EYS: variants seen among roughly 807,000 people sequenced by gnomAD.
EYS encodes protein eyes shut homolog.
Under a neutral mutation model 282.1 loss-of-function variants are expected in EYS, and 250 were observed. The observed-to-expected ratio is 0.89, with a 90% CI of 0.80 to 0.98. The LOEUF is 0.98. EYS is among the 50% of genes least tolerant of loss of function. EYS has a pLI of 0.00. For synonymous variants in EYS, 1,355 were observed against 1,282.9 expected (o/e 1.06, Z -1.20); for missense variants, 4,016 against 3,709.0 (o/e 1.08, Z -2.15).
At chr6:63,834,913 G>C (rs1771761574) in intron 36 of EYS, among the ~76,000 whole-genome samples, 1 of 151,756 alleles carries the variant, frequency 6.6e-6, no homozygotes, top group Non-Finnish European at 1.5e-5. Context: ...GGACATGGAT[G>C]AAGCTGGAAA....
At chr6:65,453,213 G>T (rs999006932) in intron 5 of EYS, among the ~76,000 whole-genome samples, 6 of 151,940 alleles carry the variant, frequency 3.9e-5, no homozygotes, top group African/African-American at 1.4e-4. Flanking sequence ...CTTCTATACT[G>T]TTTTCAAGCA....
At chr6:64,887,031 T>G (rs1009268684) in intron 18 of EYS, among the ~76,000 whole-genome samples, 189 bp from the exon 19 acceptor site, 1 of 151,946 alleles carries the variant, frequency 6.6e-6, no homozygotes, top group Non-Finnish European at 1.5e-5. Context: ...TCAAATGTTC[T>G]TTATGTGTGA....
intron 22 of EYS, among the ~76,000 whole-genome samples, chr6:64,795,702 A>G (rs1774333998): frequency 6.6e-6 from 1 of 152,242 alleles, no homozygotes; most frequent in Non-Finnish European, 1.5e-5. Context: ...ACAATTTTTG[A>G]CACTTTTAAT....
At chr6:64,774,340 T>A (rs1773614536) in intron 22 of EYS, among the ~76,000 whole-genome samples, 1 of 151,850 alleles carries the variant, frequency 6.6e-6, no homozygotes, top group South Asian at 2.1e-4. Flanking sequence ...AAGTCCATAG[T>A]TGTAACTGCA....
intron 15 of EYS, among the ~76,000 whole-genome samples, chr6:64,936,101 A>G (rs202168589): frequency 2.6e-5 from 4 of 151,672 alleles, no homozygotes; most frequent in South Asian, 2.1e-4. Flanking sequence ...ATTATGACCA[A>G]TTGGGACATA....
intron 31 of EYS, among the ~76,000 whole-genome samples, chr6:64,213,523 A>G (rs1470027524): frequency 6.6e-6 from 1 of 152,282 alleles, no homozygotes; most frequent in East Asian, 1.9e-4. Context: ...TTTGTCAATT[A>G]ATGTAAAAAT....
rs565674051 is a variant in EYS, at chr6:64,909,948, A to T, written c.2641+2536T>A. Among the ~76,000 whole-genome samples the T allele has an allele frequency of 5.9e-5, 9 of 152,162 alleles. No individual in the cohort carries two copies. The South Asian group carries it at 1.9e-3, about 32-fold the overall frequency. On this transcript the variant is annotated intron_variant, in intron 16 of 42. Coordinates refer to ENST00000503581, the MANE Select transcript of EYS (RefSeq NM_001142800.2). The stretch of plus-strand genomic sequence containing the variant: ...TTTTCTAACATACAGTCGCATTGTT[A>T]CTCTGGCTGAAATTTTACCTATACT...
intron 2 of EYS, among the ~76,000 whole-genome samples, chr6:65,585,635 T>C (rs183713893): frequency 6.6e-5 from 10 of 152,130 alleles, no homozygotes; most frequent in Admixed American, 5.9e-4. Flanking sequence ...TAACATTCTT[T>C]GTCATAATGA....
At chr6:65,557,409 G>A (rs1183261722) in intron 2 of EYS, among the ~76,000 whole-genome samples, 2 of 152,208 alleles carry the variant, frequency 1.3e-5, no homozygotes, top group Non-Finnish European at 2.9e-5. Flanking sequence ...GCACAGGTGC[G>A]AGTTTGTGTG....
chr6:65,138,250 A>G (rs1428237660), intron 12 of EYS, among the ~76,000 whole-genome samples: 3 of 152,118 alleles, frequency 2.0e-5, no homozygotes, highest in Non-Finnish European at 4.4e-5. Context: ...AACTATTAAG[A>G]TATAACTGCA....
chr6:64,874,968 T>C (rs146820612), intron 19 of EYS, among the ~76,000 whole-genome samples: 1 of 149,298 alleles, frequency 6.7e-6, no homozygotes, highest in Admixed American at 6.6e-5. Flanking sequence ...AATGCAGTAC[T>C]GCTCATTCCA....
At chr6:65,682,401 C>T (rs1768863725) in intron 1 of EYS, among the ~76,000 whole-genome samples, 1 of 151,732 alleles carries the variant, frequency 6.6e-6, no homozygotes, top group Non-Finnish European at 1.5e-5. Flanking sequence ...TCTGTATCTT[C>T]CAAGGCTTTT....
intron 1 of EYS, among the ~76,000 whole-genome samples, chr6:65,698,900 T>G (rs1769553615): frequency 6.6e-6 from 1 of 152,178 alleles, no homozygotes; most frequent in Non-Finnish European, 1.5e-5. Context: ...CTGATATTAT[T>G]CAAAACAGAT....
At position 64,436,333 on chromosome 6, in the gene EYS, T is replaced by TG; in HGVS notation, c.5836-69dup. 3.9e-6 allele frequency: 3 copies of TG among 766,724 alleles called. No homozygotes were observed. In the South Asian group the frequency reaches 5.2e-5, roughly 13 times the overall value. 47.5% of individuals were successfully genotyped at this position (766,724 alleles called of 1,614,324 possible). Reference sequence around the variant, plus strand: ...TGAAATTAATACCATATATTTGCACTGGACTTTATTATTTATCAATATATT... The same window carrying TG: ...TGAAATTAATACCATATATTTGCACTGGGACTTTATTATTTATCAATATATT... On this transcript the variant is annotated intron_variant, in intron 27 of 42. Coordinates refer to ENST00000503581, the MANE Select transcript of EYS (RefSeq NM_001142800.2).
At chr6:63,892,641 C>A (rs59178556) in intron 35 of EYS, among the ~76,000 whole-genome samples, 17,883 of 152,010 alleles carry the variant, frequency 0.12, 1,286 homozygotes, top group African/African-American at 0.19. Context: ...AAGAAAACCT[C>A]GGCAATACCA....
intron 11 of EYS, among the ~76,000 whole-genome samples, chr6:65,311,207 T>C (rs1424180507): frequency 1.3e-5 from 2 of 152,204 alleles, no homozygotes; most frequent in Non-Finnish European, 2.9e-5. Flanking sequence ...CTTAGATATA[T>C]AACTAAAAGG....
chr6:64,052,689 TA>T, intron 33 of EYS, among the ~76,000 whole-genome samples: 1 of 152,282 alleles, frequency 6.6e-6, no homozygotes, highest in South Asian at 2.1e-4. Flanking sequence ...CCTCACGTGT[TA>T]AGGGCGGGAC....
At chr6:65,119,984 C>T (rs1775484417) in intron 12 of EYS, among the ~76,000 whole-genome samples, 1 of 151,540 alleles carries the variant, frequency 6.6e-6, no homozygotes, top group African/African-American at 2.4e-5. Flanking sequence ...CCCGTCTCTA[C>T]TAAAAATACA....
At chr6:64,699,303 A>G (rs1236679796) in intron 22 of EYS, among the ~76,000 whole-genome samples, 1 of 152,110 alleles carries the variant, frequency 6.6e-6, no homozygotes, top group Non-Finnish European at 1.5e-5. Context: ...GAAGGAAACA[A>G]CAGTCATGGG....
Sources: gnomAD v4.1 joint callset for allele counts (sites outside exome capture counted in the v4.1 genomes callset) on GRCh38, gnomAD v4.1.1 for gene constraint, MANE v1.5 for transcripts, NCBI Gene and HGNC (gene_info 2026-07-23, HGNC 2026-07-21) for gene names.